LRRC38: variants seen among roughly 807,000 people sequenced by gnomAD.
LRRC38 encodes leucine-rich repeat-containing protein 38.
LRRC38 carries 5 observed loss-of-function variants against 16.4 expected under a neutral mutation model. The observed-to-expected ratio is 0.31, with a 90% CI of 0.16 to 0.64. The LOEUF is 0.64. Ranked by LOEUF, LRRC38 falls within the 30% of genes least tolerant of loss-of-function variation. The pLI is 0.80. For synonymous variants in LRRC38, 191 were observed against 190.2 expected, an observed-to-expected ratio of 1.00 and a Z score of -0.04; for missense variants, 341 against 401.8, an observed-to-expected ratio of 0.85 and a Z score of 1.29.
chr1:13,476,573 C>T (rs1367673593), intron 1 of LRRC38, among the ~76,000 whole-genome samples: 1 of 152,150 alleles, frequency 6.6e-6, no homozygotes, highest in East Asian at 1.9e-4. Context: ...AGGTGATCTG[C>T]TCACCTCGGC....
At chr1:13,506,840 A>C (rs1313823624) in intron 1 of LRRC38, among the ~76,000 whole-genome samples, 1 of 152,210 alleles carries the variant, frequency 6.6e-6, no homozygotes, top group Non-Finnish European at 1.5e-5. Context: ...CATGTTCCAG[A>C]CCACAAGATG....
intron 1 of LRRC38, among the ~76,000 whole-genome samples, chr1:13,501,888 G>A (rs528385493): frequency 5.4e-4 from 82 of 151,424 alleles, no homozygotes; most frequent in Non-Finnish European, 5.3e-4. Context: ...TCAGCCTCCC[G>A]AGTAGCTGGG....
chr1:13,490,912 T>C (rs1021304285), intron 1 of LRRC38, among the ~76,000 whole-genome samples: 6 of 152,164 alleles, frequency 3.9e-5, no homozygotes, highest in African/African-American at 1.4e-4. Flanking sequence ...AGATGTGCTG[T>C]GTGTCTCAGG....
chr1:13,489,484 A>G (rs535551379), intron 1 of LRRC38, among the ~76,000 whole-genome samples: 1 of 144,254 alleles, frequency 6.9e-6, no homozygotes. Context: ...GAACTTGGGC[A>G]ATTTGTCTAA....
At chr1:13,505,296 G>A (rs1029061063) in intron 1 of LRRC38, among the ~76,000 whole-genome samples, 1 of 152,274 alleles carries the variant, frequency 6.6e-6, no homozygotes. Flanking sequence ...TGCATAGCAG[G>A]AGCTGCGGCT....
At chr1:13,483,807 G>A (rs561149655) in intron 1 of LRRC38, among the ~76,000 whole-genome samples, 15 of 152,220 alleles carry the variant, frequency 9.9e-5, no homozygotes, top group African/African-American at 3.6e-4. Flanking sequence ...CGAGAATCCC[G>A]TGGTTAGCAT....
At chr1:13,486,617 G>T (rs991066111) in intron 1 of LRRC38, among the ~76,000 whole-genome samples, 2 of 143,824 alleles carry the variant, frequency 1.4e-5, no homozygotes, top group Non-Finnish European at 3.0e-5. Flanking sequence ...TTGAGACAAG[G>T]TCTCACTCTA....
chr1:13,512,923 C>CCCCCAGA, intron 1 of LRRC38, 40 bp downstream of exon 1: 1 of 1,238,400 alleles, frequency 8.1e-7, no homozygotes, highest in Non-Finnish European at 1.1e-6. Context: ...CTCTCCCTGC[C>CCCCCAGA]CCCCTCCCTC....
chr1:13,481,826 T>TGC (rs1638874265), intron 1 of LRRC38, among the ~76,000 whole-genome samples: 1 of 143,616 alleles, frequency 7.0e-6, no homozygotes, highest in South Asian at 2.2e-4. Flanking sequence ...TCTCTCTCTC[T>TGC]GCCATGTGAG....
At chr1:13,512,921 G>GCCCCCCCACCC in intron 1 of LRRC38, 42 bp downstream of exon 1, 2 of 1,246,172 alleles carry the variant, frequency 1.6e-6, no homozygotes, top group Non-Finnish European at 2.2e-6. Flanking sequence ...GCCTCTCCCT[G>GCCCCCCCACCC]CCCCCCTCCC....
In LRRC38 at chr1:13,487,619, G is replaced by A. The variant is rs980243228; in HGVS notation, c.632-11520C>T. Among the ~76,000 whole-genome samples the A allele has an allele frequency of 8.5e-5, 13 of 152,226 alleles. No homozygotes were observed. The highest frequency in any genetic ancestry group is 1.9e-4 in the African/African-American group (8 of 41,466). On this transcript the variant is annotated intron_variant, in intron 1 of 1. Coordinates refer to ENST00000376085, the MANE Select transcript of LRRC38 (RefSeq NM_001010847.2). This position sits in a 1 kb window ranked among gnomAD's most constrained non-coding sequence, Gnocchi z 4.4. The stretch of plus-strand genomic sequence containing the variant: ...TGCAGGGCGGCTCCGTGGCCTGCCC[G>A]TCACCACCTGTCTGGGCTCCCTCCC...
intron 1 of LRRC38, 37 bp from the exon 2 acceptor site, chr1:13,476,136 C>A: frequency 1.3e-6 from 2 of 1,544,068 alleles, no homozygotes; most frequent in Non-Finnish European, 1.8e-6. Context: ...GAGATTTAGA[C>A]TGCAGCTCAA....
chr1:13,502,528 T>C (rs1425055689), intron 1 of LRRC38, among the ~76,000 whole-genome samples: 1 of 152,200 alleles, frequency 6.6e-6, no homozygotes, highest in African/African-American at 2.4e-5. Flanking sequence ...AAGCAGTTCT[T>C]GTGGCCTGGA....
Position 13,499,828 on chromosome 1 carries a change from A to G in LRRC38, c.631+13135T>C, listed in dbSNP as rs1639124999. On this transcript the variant is annotated intron_variant, in intron 1 of 1. Transcript: ENST00000376085. ...CCACGGGAGGTTGCTCGCAGTAGGT[A>G]TGCACGCTTTCCGTATGTGTATTGT... is the stretch of plus-strand genomic sequence containing the variant. Among the ~76,000 whole-genome samples, 3 of 152,298 alleles carry G rather than the reference A, an allele frequency of 2.0e-5. No homozygotes were observed. The South Asian group carries it at 6.2e-4, about 32-fold the overall frequency.
chr1:13,486,377 C>A (rs1158146293), intron 1 of LRRC38, among the ~76,000 whole-genome samples: 3 of 152,078 alleles, frequency 2.0e-5, no homozygotes, highest in Non-Finnish European at 4.4e-5. Flanking sequence ...TTGCAAAGAC[C>A]CTTTTTCCAA....
At chr1:13,512,935 C>A in intron 1 of LRRC38, 28 bp downstream of exon 1, 2 of 1,490,326 alleles carry the variant, frequency 1.3e-6, no homozygotes, top group Admixed American at 2.1e-5. Context: ...CCCTCCCTCC[C>A]TCCCCCAGCC....
chr1:13,508,840 CAAACCAGGCCCTCACAGTGTCTG>C, intron 1 of LRRC38, among the ~76,000 whole-genome samples: 3 of 152,160 alleles, frequency 2.0e-5, no homozygotes, highest in Non-Finnish European at 2.9e-5. Context: ...TTCCTCTGAC[CAAACCAGGCCCTCACAGTGTCTG>C]ACATCAGAAA....
At chr1:13,481,772 C>CCT (rs1359708055) in intron 1 of LRRC38, among the ~76,000 whole-genome samples, 20 of 30,092 alleles carry the variant, frequency 6.6e-4, no homozygotes, top group South Asian at 6.4e-3. Flanking sequence ...CCTCTCTCTC[C>CCT]CTCTCTCCCT....
chr1:13,477,927 C>T (rs146406194), intron 1 of LRRC38, among the ~76,000 whole-genome samples: 314 of 152,288 alleles, frequency 2.1e-3, no homozygotes, highest in African/African-American at 6.9e-3. Flanking sequence ...GTGAGAAACA[C>T]ACCATGTGTT....
Sources: allele counts gnomAD v4.1 joint callset (sites outside exome capture counted in the v4.1 genomes callset), GRCh38; gene constraint gnomAD v4.1.1; non-coding constraint Gnocchi (gnomAD v3.1); transcripts MANE v1.5; gene names NCBI Gene and HGNC (gene_info 2026-07-23, HGNC 2026-07-21).